TBC1D22A: variants seen among roughly 807,000 people sequenced by gnomAD.
TBC1D22A encodes putative GTPase activator.
Under a neutral mutation model 60.2 loss-of-function variants are expected in TBC1D22A, and 38 were observed. The ratio of observed to expected loss-of-function variants is 0.63; its 90% CI spans 0.49 to 0.83. The LOEUF (loss-of-function observed/expected upper bound fraction) is 0.83. TBC1D22A is among the 40% of genes least tolerant of loss of function. TBC1D22A has a pLI of 0.00. For missense variants in TBC1D22A, 628 were observed against 701.0 expected, an observed-to-expected ratio of 0.90 and a Z score of 1.18; for synonymous variants, 302 against 281.7, an observed-to-expected ratio of 1.07 and a Z score of -0.72.
intron 10 of TBC1D22A, among the ~76,000 whole-genome samples, chr22:47,004,680 ACATG>A (rs2061522588): frequency 6.8e-6 from 1 of 146,828 alleles, no homozygotes; most frequent in Non-Finnish European, 1.5e-5. Context: ...ACACCTACAC[ACATG>A]CCTATATACA....
intron 11 of TBC1D22A, among the ~76,000 whole-genome samples, chr22:47,083,948 A>C (rs1603249399): frequency 1.3e-5 from 2 of 152,366 alleles, no homozygotes; most frequent in South Asian, 4.1e-4. Flanking sequence ...ATTCAAGTTA[A>C]TAAAATTTAC....
intron 12 of TBC1D22A, among the ~76,000 whole-genome samples, chr22:47,156,855 G>A (rs982646491): frequency 2.6e-5 from 4 of 152,362 alleles, no homozygotes; most frequent in African/African-American, 7.2e-5. Context: ...TGCTCAGCAG[G>A]GTCTGCATGC....
At chr22:46,966,258 CT>C (rs2073798190) in intron 8 of TBC1D22A, among the ~76,000 whole-genome samples, 1 of 152,162 alleles carries the variant, frequency 6.6e-6, no homozygotes, top group Non-Finnish European at 1.5e-5. Context: ...TCCGTGCCTT[CT>C]GCCCCATCAC....
intron 8 of TBC1D22A, among the ~76,000 whole-genome samples, chr22:46,935,459 C>T (rs188480820): frequency 2.0e-5 from 3 of 152,352 alleles, no homozygotes; most frequent in African/African-American, 4.8e-5. Context: ...CAGCCCCTGT[C>T]ACAAGGGCCG....
intron 11 of TBC1D22A, among the ~76,000 whole-genome samples, chr22:47,077,897 A>AG (rs1481915635): frequency 6.6e-6 from 1 of 152,176 alleles, no homozygotes; most frequent in Non-Finnish European, 1.5e-5. Context: ...ATTTGCACAG[A>AG]ACTTGGCCCA....
rs1463822850 is a variant in TBC1D22A at position 47,009,654 on chromosome 22, A to G, written c.1201+11945A>G. Among the ~76,000 whole-genome samples, 1 of 151,924 alleles carries G rather than the reference A, an allele frequency of 6.6e-6. No individual in the cohort carries two copies. Among genetic ancestry groups the G allele is most frequent in the Non-Finnish European group, 1.5e-5 (1 of 68,010 alleles). On this transcript the variant is annotated intron_variant, in intron 10 of 12. Coordinates refer to ENST00000337137, the MANE Select transcript of TBC1D22A (RefSeq NM_014346.5). The surrounding 1 kb of genome is among the most constrained non-coding windows in gnomAD (Gnocchi z 5.8). ...TTTCATCACCGTCATCATTACCATC[A>G]TCACCATCATCATCACTATCACCAG...
rs530088392 is a variant in TBC1D22A, at chr22:47,028,710, C to T, written c.1202-8361C>T. 2.0e-5 allele frequency among the ~76,000 whole-genome samples: 3 copies of T among 152,326 alleles called. No homozygotes were observed. The highest frequency in any genetic ancestry group is 1.9e-4 in the East Asian group (1 of 5,186). The stretch of plus-strand genomic sequence containing the variant: ...GTGAGAAGACAGCAGTTGTGTGACA[C>T]GACGTTGACATTAAATGAACGGTGG... On this transcript the variant is annotated intron_variant, in intron 10 of 12. Transcript: ENST00000337137. This position sits in a 1 kb window ranked among gnomAD's most constrained non-coding sequence, Gnocchi z 4.4.
intron 8 of TBC1D22A, among the ~76,000 whole-genome samples, chr22:46,957,236 G>A (rs537235069): frequency 1.3e-5 from 2 of 152,232 alleles, no homozygotes; most frequent in Non-Finnish European, 2.9e-5. Flanking sequence ...AGTCTGCAGA[G>A]GGAGGTTTGA....
chr22:47,169,775 G>C (rs1219018547), intron 12 of TBC1D22A, among the ~76,000 whole-genome samples: 1 of 152,246 alleles, frequency 6.6e-6, no homozygotes, highest in Non-Finnish European at 1.5e-5. Flanking sequence ...GTGATGAGCA[G>C]AGCCTTCCTT....
chr22:47,021,363 C>G (rs1197764371), intron 10 of TBC1D22A, among the ~76,000 whole-genome samples: 1 of 148,656 alleles, frequency 6.7e-6, no homozygotes, highest in Non-Finnish European at 1.5e-5. Flanking sequence ...AGAACTCCAC[C>G]TGTATCCTGG....
intron 12 of TBC1D22A, among the ~76,000 whole-genome samples, chr22:47,141,536 A>C (rs1003240090): frequency 5.3e-5 from 8 of 152,228 alleles, no homozygotes; most frequent in African/African-American, 1.9e-4. Context: ...TGGCACTGTG[A>C]GTGGAACCCA....
Position 47,086,486 on chromosome 22 carries a change from C to G in TBC1D22A, c.1330-25022C>G, listed in dbSNP as rs562826723. Among the ~76,000 whole-genome samples the G allele has an allele frequency of 3.3e-4, 50 of 151,956 alleles. 1 individual carries two copies. The East Asian group carries it at 6.5e-3, about 20-fold the overall frequency. ...AACAAACAAACAAACAAACTAAAAA[C>G]AAACCGTAGCCTTAATCTGGGTAAA... On this transcript the variant is annotated intron_variant, in intron 11 of 12. Coordinates refer to ENST00000337137, the MANE Select transcript of TBC1D22A (RefSeq NM_014346.5).
chr22:47,069,779 G>T (rs569713408), intron 11 of TBC1D22A, among the ~76,000 whole-genome samples: 1 of 102,340 alleles, frequency 9.8e-6, no homozygotes, highest in Non-Finnish European at 1.9e-5. Flanking sequence ...GTTCCCTATT[G>T]TTTGGTTGGA....
chr22:47,169,803 G>T (rs1296789367), intron 12 of TBC1D22A, among the ~76,000 whole-genome samples: 1 of 152,246 alleles, frequency 6.6e-6, no homozygotes, highest in African/African-American at 2.4e-5. Flanking sequence ...TAGATCCACA[G>T]ATGTGGCCAT....
chr22:47,148,672 C>A (rs2067379767), intron 12 of TBC1D22A, among the ~76,000 whole-genome samples: 1 of 147,954 alleles, frequency 6.8e-6, no homozygotes, highest in South Asian at 2.2e-4. Flanking sequence ...CCGTTCCTCT[C>A]CTGGGGTCCC....
chr22:47,035,882 C>T (rs2062639171), intron 10 of TBC1D22A, among the ~76,000 whole-genome samples: 1 of 152,226 alleles, frequency 6.6e-6, no homozygotes, highest in African/African-American at 2.4e-5. Context: ...AGGATGGACC[C>T]TCCTGTTCCT....
intron 4 of TBC1D22A, among the ~76,000 whole-genome samples, chr22:46,847,423 G>C (rs903568958): frequency 3.3e-5 from 5 of 152,308 alleles, no homozygotes; most frequent in Admixed American, 1.3e-4. Context: ...ATGAAGGTTG[G>C]CCTGGTTTAT....
chr22:46,974,455 G>C (rs2074210527), intron 9 of TBC1D22A, 56 bp downstream of exon 9: 1 of 1,445,934 alleles, frequency 6.9e-7, no homozygotes, highest in Non-Finnish European at 9.5e-7. Flanking sequence ...GCGGTGAAGA[G>C]AGCCTGAGGC....
intron 9 of TBC1D22A, among the ~76,000 whole-genome samples, chr22:46,975,700 G>C (rs761458855): frequency 4.6e-5 from 7 of 152,210 alleles, no homozygotes; most frequent in Non-Finnish European, 7.3e-5. Flanking sequence ...TCATCTACTT[G>C]ATTCAGAATC....
Sources: gnomAD v4.1 joint callset for allele counts (sites outside exome capture counted in the v4.1 genomes callset) on GRCh38, gnomAD v4.1.1 for gene constraint, Gnocchi (gnomAD v3.1) non-coding constraint, MANE v1.5 for transcripts, NCBI Gene and HGNC (gene_info 2026-07-23, HGNC 2026-07-21) for gene names.